Variants in COL24A1 observed in about 807,000 individuals in gnomAD.
COL24A1 encodes the protein collagen type XXIV alpha 1 chain, also known as collagen alpha-1(XXIV) chain.
In COL24A1, 224 loss-of-function variants were observed where a neutral mutation model predicts 253.9. That is an observed-to-expected ratio of 0.88 (90% CI 0.79 to 0.99). COL24A1 has a LOEUF of 0.99. Ranked by LOEUF, COL24A1 falls within the 50% of genes least tolerant of loss-of-function variation. The pLI is 0.00. For missense variants in COL24A1, 2,131 were observed against 2,068.5 expected (o/e 1.03, Z -0.59); for synonymous variants, 685 against 673.7 (o/e 1.02, Z -0.26).
intron 6 of COL24A1, 149 bp downstream of exon 6, chr1:86,092,118 A>G: frequency 3.2e-6 from 2 of 618,772 alleles, no homozygotes; most frequent in South Asian, 5.0e-5. Context: ...TTAATTCTTC[A>G]AATAGTTCTT....
intron 31 of COL24A1, among the ~76,000 whole-genome samples, chr1:85,893,519 T>G (rs1683343993): frequency 6.6e-6 from 1 of 152,184 alleles, no homozygotes; most frequent in African/African-American, 2.4e-5. Context: ...AGTTTTTATA[T>G]TATTTAGAGA....
At chr1:86,008,785 T>C (rs1299345815) in intron 19 of COL24A1, among the ~76,000 whole-genome samples, 1 of 151,934 alleles carries the variant, frequency 6.6e-6, no homozygotes, top group East Asian at 1.9e-4. Context: ...AAAGAAACCA[T>C]TAAGGTAACC....
At chr1:86,141,723 CAG>C (rs1420420178) in intron 2 of COL24A1, among the ~76,000 whole-genome samples, 1 of 146,686 alleles carries the variant, frequency 6.8e-6, no homozygotes, top group African/African-American at 2.5e-5. Flanking sequence ...TTTTTTGAGA[CAG>C]AGTCTCACTC....
chr1:86,118,320 C>T (rs1055858700), intron 3 of COL24A1, among the ~76,000 whole-genome samples: 1 of 152,120 alleles, frequency 6.6e-6, no homozygotes, highest in African/African-American at 2.4e-5. Context: ...GCCTTGGCCT[C>T]CCAAAGTGCT....
intron 37 of COL24A1, among the ~76,000 whole-genome samples, chr1:85,861,266 T>C (rs1362296566): frequency 3.9e-5 from 6 of 152,298 alleles, no homozygotes; most frequent in South Asian, 4.1e-4. Context: ...TATTAGTCAT[T>C]TGTATATCTT....
At chr1:86,070,180 C>T (rs12566940) in intron 7 of COL24A1, among the ~76,000 whole-genome samples, 18,324 of 152,124 alleles carry the variant, frequency 0.12, 1,272 homozygotes, top group Middle Eastern at 0.23. Context: ...AAAAATACAA[C>T]TGAATGCTGA....
At chr1:86,117,189 A>G (rs1215930423) in intron 3 of COL24A1, among the ~76,000 whole-genome samples, 1 of 152,242 alleles carries the variant, frequency 6.6e-6, no homozygotes, top group African/African-American at 2.4e-5. Context: ...GCAGTTTGCT[A>G]TGGCTTGCGT....
intron 2 of COL24A1, among the ~76,000 whole-genome samples, chr1:86,126,749 C>T (rs1648368252): frequency 6.6e-6 from 1 of 152,070 alleles, no homozygotes; most frequent in Admixed American, 6.6e-5. Context: ...TGTGAACCAC[C>T]ACGCCTGATC....
intron 19 of COL24A1, among the ~76,000 whole-genome samples, chr1:86,016,656 T>C (rs1001531723): frequency 1.3e-5 from 2 of 152,198 alleles, no homozygotes; most frequent in African/African-American, 2.4e-5. Flanking sequence ...TTATGTTCTA[T>C]ATAGACTTTT....
intron 56 of COL24A1, 59 bp downstream of exon 56, chr1:85,745,382 C>T (rs1331418153): frequency 7.9e-7 from 1 of 1,267,324 alleles, no homozygotes. Context: ...CAAAAATTTT[C>T]TCTGTTTAAT....
In COL24A1 at chr1:85,747,537, T is replaced by C. The variant is rs556028025; in HGVS notation, c.4438-2031A>G. Among the ~76,000 whole-genome samples, 4 of 152,234 alleles carry C rather than the reference T, an allele frequency of 2.6e-5. No individual in the cohort carries two copies. In the South Asian group the frequency reaches 6.2e-4, roughly 24 times the overall value. ...TAAATATTTTTATAAAAATTAACTA[T>C]ATTTTCCAAAACAAAAAAATTAATG... On this transcript the variant is annotated intron_variant, in intron 55 of 59. Coordinates refer to ENST00000370571, the MANE Select transcript of COL24A1 (RefSeq NM_152890.7).
chr1:86,150,049 G>C (rs1302239305), intron 1 of COL24A1, among the ~76,000 whole-genome samples: 2 of 152,094 alleles, frequency 1.3e-5, no homozygotes. Context: ...CACTACCCCT[G>C]ATATCTCCAA....
intron 28 of COL24A1, among the ~76,000 whole-genome samples, chr1:85,902,731 AC>A (rs1292037442): frequency 6.6e-6 from 1 of 152,192 alleles, no homozygotes; most frequent in Non-Finnish European, 1.5e-5. Flanking sequence ...AGAGAGTAGG[AC>A]GATAAATACC....
At chr1:85,909,352 T>C (rs879121965) in intron 26 of COL24A1, among the ~76,000 whole-genome samples, 5 of 151,888 alleles carry the variant, frequency 3.3e-5, no homozygotes, top group African/African-American at 7.2e-5. Context: ...ATTTTCTGTA[T>C]GGAATATCCT....
intron 22 of COL24A1, among the ~76,000 whole-genome samples, chr1:85,966,191 A>G (rs1340862051): frequency 6.6e-6 from 1 of 152,116 alleles, no homozygotes. Context: ...AACGTGGGAG[A>G]AAGAGAAGAC....
At chr1:86,032,527 C>T (rs1448000930) in intron 13 of COL24A1, among the ~76,000 whole-genome samples, 1 of 151,962 alleles carries the variant, frequency 6.6e-6, no homozygotes, top group Non-Finnish European at 1.5e-5. Context: ...ATTTTTCCAG[C>T]TGATTTGTGA....
intron 47 of COL24A1, among the ~76,000 whole-genome samples, chr1:85,814,096 A>C (rs891819024): frequency 5.7e-4 from 87 of 152,194 alleles, no homozygotes; most frequent in Non-Finnish European, 2.1e-4. Flanking sequence ...TAAGCAACCC[A>C]GTCACTATCT....
At chr1:86,144,305 G>A (rs1304540772) in intron 2 of COL24A1, among the ~76,000 whole-genome samples, 3 of 151,980 alleles carry the variant, frequency 2.0e-5, no homozygotes, top group African/African-American at 7.2e-5. Flanking sequence ...TAAAAAATAA[G>A]TTCATAAATA....
intron 53 of COL24A1, among the ~76,000 whole-genome samples, chr1:85,771,930 C>T (rs1407713630): frequency 2.2e-4 from 33 of 147,394 alleles, no homozygotes; most frequent in African/African-American, 8.3e-4. Context: ...GGTATATCTC[C>T]CAATGCTATC....
Sources: gnomAD v4.1 joint callset for allele counts (sites outside exome capture counted in the v4.1 genomes callset) on GRCh38, gnomAD v4.1.1 for gene constraint, MANE v1.5 for transcripts, NCBI Gene and HGNC (gene_info 2026-07-23, HGNC 2026-07-21) for gene names.